Variants in PKMYT1 observed in about 807,000 individuals in gnomAD.
PKMYT1 encodes the protein membrane-associated tyrosine- and threonine-specific cdc2-inhibitory kinase.
A neutral mutation model predicts 49.7 loss-of-function variants in PKMYT1; 35 were observed. The observed-to-expected ratio is 0.70, with a 90% CI of 0.54 to 0.93. PKMYT1 has a LOEUF of 0.93. Ranked by LOEUF, PKMYT1 falls within the 40% of genes least tolerant of loss-of-function variation. The probability of loss-of-function intolerance (pLI) is 0.00; values close to 1 mark genes in which losing one functional copy is unlikely to be tolerated. For synonymous variants in PKMYT1, 331 were observed against 287.6 expected (o/e 1.15, Z -1.53); for missense variants, 677 against 673.1 (o/e 1.01, Z -0.06).
At chr16:2,979,559 C>A (rs1224264974) in intron 2 of PKMYT1, 89 bp downstream of exon 2, 13 of 1,077,550 alleles carry the variant, frequency 1.2e-5, no homozygotes, top group Non-Finnish European at 1.7e-5. Flanking sequence ...GTCACAAGCA[C>A]AGCCTCCAGG....
In PKMYT1 at chr16:2,972,938, G is replaced by C; in HGVS notation, c.*15C>G. The C allele has an allele frequency of 6.3e-7, 1 of 1,592,652 alleles. No individual in the cohort carries two copies. Among genetic ancestry groups the C allele is most frequent in the Non-Finnish European group, 8.5e-7 (1 of 1,169,874 alleles). ...CAGGATAAAAGGTTAAAAGTGCAGA[G>C]GCAGAGTCTGGGGCTCAGGTTGGGT... On this transcript the variant is annotated 3_prime_UTR_variant, in exon 9 of 9. Coordinates refer to ENST00000262300, the MANE Select transcript of PKMYT1 (RefSeq NM_004203.5).
intron 3 of PKMYT1, 79 bp from the exon 4 acceptor site, chr16:2,975,891 G>A: frequency 3.4e-6 from 5 of 1,487,510 alleles, no homozygotes; most frequent in Non-Finnish European, 4.5e-6. Context: ...CAACCTGGCA[G>A]ACCCCATTAA....
chr16:2,977,239 G>A (rs2072223006), intron 2 of PKMYT1: 1 of 1,399,030 alleles, frequency 7.1e-7, no homozygotes, highest in Non-Finnish European at 9.3e-7. Flanking sequence ...TTGTATTTTA[G>A]AGATGATAGA....
intron 2 of PKMYT1, among the ~76,000 whole-genome samples, chr16:2,977,839 C>T (rs1329904160): frequency 2.0e-5 from 3 of 152,250 alleles, no homozygotes; most frequent in Admixed American, 6.5e-5. Context: ...GGGCCAGGTT[C>T]TCAGCACTTC....
chr16:2,976,993 T>C lies in PKMYT1; in HGVS notation c.49A>G (p.Thr17Ala). The C allele has an allele frequency of 6.4e-7, 1 of 1,568,740 alleles. No homozygotes were observed. The highest frequency in any genetic ancestry group is 1.2e-5 in the South Asian group (1 of 86,286). The change falls in exon 3 of 9, where the codon ACC (threonine) becomes GCC (alanine). Residue 17 changes from threonine (T) to alanine (A), a missense_variant. By Grantham distance (58) the Thr-to-Ala change is moderately conservative. Transcript: ENST00000262300. ...GGGGTGCCACTCAGAGGTGGCGGGG[T>C]GCCCTCCGTGGGCATGGGCATGGCC... ...ALAMPMPTEG[T>A]PPPLSGTPIP...
At position 2,975,303 on chromosome 16, in the gene PKMYT1, G is replaced by A. The variant is rs376019375; in HGVS notation, c.872+16C>T. The A allele has an allele frequency of 5.0e-6, 8 of 1,592,446 alleles. No homozygotes were observed. The East Asian group carries it at 6.8e-5, about 14-fold the overall frequency. On this transcript the variant is annotated intron_variant, in intron 4 of 8. Transcript: ENST00000262300. Reference sequence around the variant, plus strand: ...TCCCACAGCCTGCCAAACACCTGGCGTGCCCCGGTCCCCACCTGAACACAT... The same window carrying A: ...TCCCACAGCCTGCCAAACACCTGGCATGCCCCGGTCCCCACCTGAACACAT...
chr16:2,976,251 T>C (rs1374738837), intron 3 of PKMYT1, among the ~76,000 whole-genome samples: 1 of 152,170 alleles, frequency 6.6e-6, no homozygotes, highest in Non-Finnish European at 1.5e-5. Flanking sequence ...TATAAATGAC[T>C]GGAAACTGTG....
At position 2,974,600 on chromosome 16, in the gene PKMYT1, TC is replaced by T; in HGVS notation, c.928del (p.Glu310ArgfsTer29). 6.3e-7 allele frequency: 1 copy of T among 1,583,564 alleles called. No homozygotes were observed. The highest frequency in any genetic ancestry group is 1.8e-5 in the Admixed American group (1 of 55,722). On this transcript the variant is annotated frameshift_variant, in exon 5 of 9. Transcript: ENST00000262300. LOFTEE classifies it high-confidence loss of function. ...ACNMELPHGG[E>X]GWQQLRQGYL... The stretch of plus-strand genomic sequence containing the variant: ...GCCCTGGCGCAGCTGCTGCCAGCCC[TC>T]CCCACCGTGGGGCAGCTCCATGTTG...
chr16:2,974,746 G>T, intron 4 of PKMYT1, 90 bp from the exon 5 acceptor site: 1 of 794,810 alleles, frequency 1.3e-6, no homozygotes, highest in African/African-American at 1.7e-5. Context: ...GTGGGTGGGA[G>T]AGGGCTGCTG....
At position 2,976,805 on chromosome 16, in the gene PKMYT1, G is replaced by C; in HGVS notation, c.237C>G (p.Pro79=). Residue 79 remains proline (P), a synonymous_variant, in exon 3 of 9, where the codon CCC becomes CCG. Coordinates refer to ENST00000262300, the MANE Select transcript of PKMYT1 (RefSeq NM_004203.5). ...CCTCGCCCCGGAATGACACCCGCCG[G>C]GGCTGCAGCTGGTGCCAGCCTGGGG... is the stretch of plus-strand genomic sequence containing the variant. ...PRTPGWHQLQ[P]RRVSFRGEAS... is the part of the protein sequence containing the mutation. The C allele has an allele frequency of 3.2e-6, 5 of 1,576,770 alleles. No homozygotes were observed. Among genetic ancestry groups the C allele is most frequent in the Non-Finnish European group, 4.3e-6 (5 of 1,159,520 alleles).
intron 2 of PKMYT1, among the ~76,000 whole-genome samples, chr16:2,978,617 G>A (rs183772493): frequency 0.014 from 2,147 of 151,730 alleles, 50 homozygotes; most frequent in African/African-American, 0.048. Context: ...GTGTGGTGGT[G>A]CATGCCTGTA....
At position 2,979,803 on chromosome 16, in the gene PKMYT1, C is replaced by T. The variant is rs553661069; in HGVS notation, c.-146G>A. On this transcript the variant is annotated 5_prime_UTR_variant, in exon 2 of 9. Coordinates refer to ENST00000262300, the MANE Select transcript of PKMYT1 (RefSeq NM_004203.5). The stretch of plus-strand genomic sequence containing the variant: ...GCCCTGGGCGATCGGGCCGTCTCGC[C>T]TCACCCTCTCACCAGGCCCGACACA... 4.7e-6 allele frequency: 4 copies of T among 844,802 alleles called. No individual in the cohort carries two copies. Among genetic ancestry groups the T allele is most frequent in the Admixed American group, 4.2e-5 (2 of 47,840 alleles). 52.3% of individuals were successfully genotyped at this position (844,802 alleles called of 1,614,324 possible). A position where few individuals can be genotyped will look rare whatever the true frequency, so the allele number is the denominator to read the frequency against.
In PKMYT1 at chr16:2,976,617, A is replaced by C. The variant is rs2072200747; in HGVS notation, c.378+47T>G. On this transcript the variant is annotated intron_variant, in intron 3 of 8. Coordinates refer to ENST00000262300, the MANE Select transcript of PKMYT1 (RefSeq NM_004203.5). ...GTCCTGCCAAGGGAGGTGCAGAAAC[A>C]CAAAGGAGGTCCCCCAGATGGGCCT... 5.7e-6 allele frequency: 8 copies of C among 1,411,258 alleles called. No individual in the cohort carries two copies. In the East Asian group the frequency reaches 2.0e-4, roughly 35 times the overall value. The allele number at this position is 1,411,258 out of a possible 1,614,324, so 87.4% of individuals were successfully genotyped here. A position where few individuals can be genotyped will look rare whatever the true frequency, so the allele number is the denominator to read the frequency against.
At position 2,978,416 on chromosome 16, in the gene PKMYT1, A is replaced by C. The variant is rs116025702; in HGVS notation, c.10+1232T>G. Among the ~76,000 whole-genome samples, 526 of 152,210 alleles carry C rather than the reference A, an allele frequency of 3.5e-3. 3 individuals carry two copies. Among genetic ancestry groups the C allele is most frequent in the African/African-American group, 0.012 (506 of 41,544 alleles). On this transcript the variant is annotated intron_variant, in intron 2 of 8. Transcript: ENST00000262300. The stretch of plus-strand genomic sequence containing the variant: ...CCTGCCTGCTGTCAGAACAAACCTC[A>C]CTGACCTCAAAAGCCACCCTGTCAA...
rs776876826 is a variant in PKMYT1 at position 2,974,151 on chromosome 16, G to A, written c.1159C>T (p.Leu387Phe). The stretch of plus-strand genomic sequence containing the variant: ...TGCCAGAGCCAGCAGAGCAGGGCAA[G>A]CAGGGCCTGTGGGGGAGAGGAGCTC... ...SRGWALWQAL[L>F]ALLCWLWHGL... Residue 387 changes from leucine (L) to phenylalanine (F), a missense_variant, in exon 7 of 9, where the codon CTT (leucine) becomes TTT (phenylalanine). Leu to Phe is a conservative substitution (Grantham distance 22, BLOSUM62 0). Transcript: ENST00000262300. The A allele has an allele frequency of 2.2e-5, 35 of 1,599,784 alleles. No homozygotes were observed. The African/African-American group carries it at 2.8e-4, about 13-fold the overall frequency.
intron 3 of PKMYT1, 117 bp downstream of exon 3, chr16:2,976,547 G>A (rs2072198597): frequency 2.8e-5 from 28 of 1,018,132 alleles, no homozygotes; most frequent in Non-Finnish European, 3.5e-5. Context: ...GCCCAGCAGG[G>A]ACAGGCTGTA....
intron 3 of PKMYT1, 84 bp from the exon 4 acceptor site, chr16:2,975,896 C>T: frequency 6.9e-7 from 1 of 1,454,272 alleles, no homozygotes; most frequent in East Asian, 2.3e-5. Context: ...TGGCAGACCC[C>T]ATTAAGGGTT....
chr16:2,974,204 C>T (rs1233151509), intron 6 of PKMYT1, 41 bp downstream of exon 6: 1 of 1,560,260 alleles, frequency 6.4e-7, no homozygotes, highest in African/African-American at 1.4e-5. Context: ...ACCCCCGGGG[C>T]TGGGGAGCAG....
chr16:2,974,634 C>G lies in PKMYT1; in HGVS notation c.895G>C (p.Val299Leu), dbSNP rs1248128733. Residue 299 changes from valine (V) to leucine (L), a missense_variant, in exon 5 of 9, where the codon GTG (valine) becomes CTG (leucine). Transcript: ENST00000262300. ...TGGGGCAGCTCCATGTTGCATGCCA[C>G]TTCCAGGATGGTGAGGCCCAGACTG... ...VFSLGLTILEVACNMELPHGG... is the reference protein window; with the variant it reads ...VFSLGLTILELACNMELPHGG... 2 of 1,569,176 alleles carry G rather than the reference C, an allele frequency of 1.3e-6. No individual in the cohort carries two copies. Among genetic ancestry groups the G allele is most frequent in the South Asian group, 2.3e-5 (2 of 85,500 alleles).
Sources: allele counts gnomAD v4.1 joint callset (sites outside exome capture counted in the v4.1 genomes callset), GRCh38; gene constraint gnomAD v4.1.1; transcripts MANE v1.5; gene names NCBI Gene and HGNC (gene_info 2026-07-23, HGNC 2026-07-21).